The following RGCC variants were observed in gnomAD, a reference collection of about 807,000 sequenced individuals.
The protein encoded by RGCC is regulator of cell cycle, also known as regulator of cell cycle RGCC.
RGCC carries 15 observed loss-of-function variants against 15.4 expected under a neutral mutation model. The ratio of observed to expected loss-of-function variants is 0.97; its 90% CI spans 0.65 to 1.50. The LOEUF is 1.50. Among genes scored for constraint, RGCC ranks in the 40% most tolerant of loss-of-function variants. The probability of loss-of-function intolerance (pLI) is 0.00; values close to 1 mark genes in which losing one functional copy is unlikely to be tolerated. For synonymous variants in RGCC, 81 were observed against 78.0 expected (o/e 1.04, Z -0.20); for missense variants, 176 against 189.7 (o/e 0.93, Z 0.42).
At position 41,458,932 on chromosome 13, in the gene RGCC, A is replaced by C. The variant is rs1313855892; in HGVS notation, c.235+462A>C. ...ATAAGCCCAAACTGCTGTTCTTGGG[A>C]TTTATGAAATAACTGCTTGCATTGT... On this transcript the variant is annotated intron_variant, in intron 2 of 4. Transcript: ENST00000379359. This position sits in a 1 kb window ranked among gnomAD's most constrained non-coding sequence, Gnocchi z 4.4. Among the ~76,000 whole-genome samples, 1 of 152,174 alleles carries C rather than the reference A, an allele frequency of 6.6e-6. No individual in the cohort carries two copies. The highest frequency in any genetic ancestry group is 1.5e-5 in the Non-Finnish European group (1 of 68,022).
intron 2 of RGCC, among the ~76,000 whole-genome samples, chr13:41,462,293 C>T (rs1276516868): frequency 1.3e-5 from 2 of 152,146 alleles, no homozygotes; most frequent in African/African-American, 4.8e-5. Context: ...TCTCCCAACC[C>T]CCCTAGCTAA....
At chr13:41,468,240 G>A (rs888807448) in intron 3 of RGCC, among the ~76,000 whole-genome samples, 22 of 152,214 alleles carry the variant, frequency 1.4e-4, no homozygotes, top group Non-Finnish European at 2.1e-4. Flanking sequence ...GGGCTGCAGC[G>A]TTGCCCTGGG....
chr13:41,466,191 TCACACACACTCATACA>T (rs1566338382), intron 2 of RGCC, among the ~76,000 whole-genome samples: 1 of 44,712 alleles, frequency 2.2e-5, no homozygotes, highest in African/African-American at 4.7e-5. Context: ...ACACACACAC[TCACACACACTCATACA>T]CTCACACACT....
At chr13:41,467,252 C>A (rs761132972) in intron 3 of RGCC, among the ~76,000 whole-genome samples, 2 of 152,214 alleles carry the variant, frequency 1.3e-5, no homozygotes, top group Non-Finnish European at 2.9e-5. Context: ...AGTCTCCTCC[C>A]AGACTTGTTG....
Position 41,466,807 on chromosome 13 carries a change from T to C in RGCC, c.236-16T>C. 1 of 1,555,818 alleles carries C rather than the reference T, an allele frequency of 6.4e-7. No homozygotes were observed. Among genetic ancestry groups the C allele is most frequent in the Non-Finnish European group, 8.9e-7 (1 of 1,127,182 alleles). On this transcript the variant is annotated splice_polypyrimidine_tract_variant and intron_variant, in intron 2 of 4. Coordinates refer to ENST00000379359, the MANE Select transcript of RGCC (RefSeq NM_014059.3). ...ATGAGTACTATTTCTAATGAGTATATTTTCCTTCCTGAAAGGTGCAGATTC... is the reference window on the plus strand; with the variant it reads ...ATGAGTACTATTTCTAATGAGTATACTTTCCTTCCTGAAAGGTGCAGATTC...
intron 2 of RGCC, among the ~76,000 whole-genome samples, chr13:41,461,690 A>T (rs2043822016): frequency 6.6e-6 from 1 of 152,178 alleles, no homozygotes; most frequent in Admixed American, 6.5e-5. Flanking sequence ...GAAATGAGGA[A>T]CTGGCTTCTT....
chr13:41,458,285 C>T lies in RGCC; in HGVS notation c.50C>T (p.Ala17Val), dbSNP rs1277961004. ...ACTGAGCCCCTGGCCCTGCCCGCAGCCCCGGCCCTGGACTCGGCGGCCGCG... is the reference window on the plus strand; with the variant it reads ...ACTGAGCCCCTGGCCCTGCCCGCAGTCCCGGCCCTGGACTCGGCGGCCGCG... ...QGSPAAAAAA[A>V]PALDSAAAED... The change falls in exon 2 of 5, where the codon GCC becomes GTC. Residue 17 changes from alanine (A) to valine (V), a missense_variant and splice_region_variant. Coordinates refer to ENST00000379359, the MANE Select transcript of RGCC (RefSeq NM_014059.3). This position sits in a 1 kb window ranked among gnomAD's most constrained non-coding sequence, Gnocchi z 4.4. 10 of 1,568,506 alleles carry T rather than the reference C, an allele frequency of 6.4e-6. No individual in the cohort carries two copies. In the South Asian group the frequency reaches 8.1e-5, roughly 13 times the overall value.
At chr13:41,462,533 T>C (rs1357407928) in intron 2 of RGCC, among the ~76,000 whole-genome samples, 1 of 152,178 alleles carries the variant, frequency 6.6e-6, no homozygotes, top group Admixed American at 6.5e-5. Context: ...GAAGCCGATA[T>C]TGTAAGGCCC....
intron 2 of RGCC, among the ~76,000 whole-genome samples, chr13:41,463,339 G>A (rs939113340): frequency 2.0e-5 from 3 of 151,866 alleles, no homozygotes; most frequent in Admixed American, 6.6e-5. Context: ...GCTGGCGGTC[G>A]GCTTCTTCTT....
At position 41,457,815 on chromosome 13, in the gene RGCC, A is replaced by G; in HGVS notation, c.49+59A>G. 1.5e-6 allele frequency: 2 copies of G among 1,356,346 alleles called. No homozygotes were observed. Among genetic ancestry groups the G allele is most frequent in the South Asian group, 2.0e-5 (1 of 50,370 alleles). 84.0% of individuals were successfully genotyped at this position (1,356,346 alleles called of 1,614,324 possible). A position where few individuals can be genotyped will look rare whatever the true frequency, so the allele number is the denominator to read the frequency against. ...CGGCTCTGCAGATGGCGGGTGAGAA[A>G]GGAGGGGCCCCGTGTCGTCCCTTCA... On this transcript the variant is annotated intron_variant, in intron 1 of 4. Transcript: ENST00000379359. The surrounding 1 kb of genome is among the most constrained non-coding windows in gnomAD (Gnocchi z 4.9).
Position 41,457,937 on chromosome 13 carries a change from G to C in RGCC, c.49+181G>C, listed in dbSNP as rs1009183827. Among the ~76,000 whole-genome samples the C allele has an allele frequency of 1.3e-5, 2 of 151,760 alleles. No homozygotes were observed. Among genetic ancestry groups the C allele is most frequent in the African/African-American group, 2.4e-5 (1 of 41,346 alleles). ...CTTTCCGGCCCGGGCTGGCCCCCAT[G>C]TCCCACCTTCCCTCCACCACCAGCT... On this transcript the variant is annotated intron_variant, in intron 1 of 4. Transcript: ENST00000379359. This position sits in a 1 kb window ranked among gnomAD's most constrained non-coding sequence, Gnocchi z 4.9.
chr13:41,468,981 C>A (rs1037320589), intron 4 of RGCC, 143 bp downstream of exon 4: 1 of 623,844 alleles, frequency 1.6e-6, no homozygotes. Context: ...GGACCCTAGG[C>A]CGGGGCAGTG....
At position 41,458,254 on chromosome 13, in the gene RGCC, C is replaced by G. The variant is rs141989625; in HGVS notation, c.50-31C>G. ...GGTGGTCCCGCTGCCCCCCTGACTT[C>G]CGTGCACTGAGCCCCTGGCCCTGCC... On this transcript the variant is annotated intron_variant, in intron 1 of 4. Coordinates refer to ENST00000379359, the MANE Select transcript of RGCC (RefSeq NM_014059.3). This position sits in a 1 kb window ranked among gnomAD's most constrained non-coding sequence, Gnocchi z 4.4. 5 of 1,536,280 alleles carry G rather than the reference C, an allele frequency of 3.3e-6. No individual in the cohort carries two copies. The highest frequency in any genetic ancestry group is 2.6e-6 in the Non-Finnish European group (3 of 1,145,596).
At position 41,470,583 on chromosome 13, in the gene RGCC, C is replaced by A. The variant is rs556883708; in HGVS notation, c.*98C>A. ...TACTAGAATCTGCTGCCAGAGGGGA[C>A]AAAGACGTGCACTCAACCTTCTACC... is the stretch of plus-strand genomic sequence containing the variant. On this transcript the variant is annotated 3_prime_UTR_variant, in exon 5 of 5. Transcript: ENST00000379359. The A allele has an allele frequency of 3.3e-6, 4 of 1,198,250 alleles. No homozygotes were observed. The highest frequency in any genetic ancestry group is 1.2e-5 in the South Asian group (1 of 82,152). 74.2% of individuals were successfully genotyped at this position (1,198,250 alleles called of 1,614,324 possible). A position where few individuals can be genotyped will look rare whatever the true frequency, so the allele number is the denominator to read the frequency against.
chr13:41,470,409 G>T, intron 4 of RGCC, 69 bp from the exon 5 acceptor site: 1 of 1,486,052 alleles, frequency 6.7e-7, no homozygotes, highest in Non-Finnish European at 9.4e-7. Context: ...GTCTGAGACA[G>T]TGTGATGTGG....
At position 41,458,556 on chromosome 13, in the gene RGCC, T is replaced by C. The variant is rs1040401257; in HGVS notation, c.235+86T>C. On this transcript the variant is annotated intron_variant, in intron 2 of 4. Transcript: ENST00000379359. The surrounding 1 kb of genome is among the most constrained non-coding windows in gnomAD (Gnocchi z 4.4). ...GAAGGCTGCGGCCTCAGTTTTCTTA[T>C]CAGTAAACTGAGGAATGGTTTCCTG... The C allele has an allele frequency of 7.4e-7, 1 of 1,353,132 alleles. No homozygotes were observed. Among genetic ancestry groups the C allele is most frequent in the Admixed American group, 2.4e-5 (1 of 41,542 alleles). 83.8% of individuals were successfully genotyped at this position (1,353,132 alleles called of 1,614,324 possible).
chr13:41,458,611 G>A lies in RGCC; in HGVS notation c.235+141G>A, dbSNP rs2043806079. On this transcript the variant is annotated intron_variant, in intron 2 of 4. Coordinates refer to ENST00000379359, the MANE Select transcript of RGCC (RefSeq NM_014059.3). The surrounding 1 kb of genome is among the most constrained non-coding windows in gnomAD (Gnocchi z 4.4). ...TCAACGCAGTAGGCCGAGTGGTGGC[G>A]GGGCCCCTGACGATAATCACGGGAA... 2.0e-6 allele frequency: 2 copies of A among 996,218 alleles called. No individual in the cohort carries two copies. Among genetic ancestry groups the A allele is most frequent in the South Asian group, 3.4e-5 (2 of 58,564 alleles). The allele number at this position is 996,218 out of a possible 1,614,324, so 61.7% of individuals were successfully genotyped here.
At position 41,468,857 on chromosome 13, in the gene RGCC, T is replaced by C; in HGVS notation, c.406+19T>C. On this transcript the variant is annotated intron_variant, in intron 4 of 4. Transcript: ENST00000379359. ...TTAGCAAGTAAGTACATGTCTGATA[T>C]TAAAAACAAAAAAACAAAAAACTAA... 1.3e-6 allele frequency: 2 copies of C among 1,570,826 alleles called. No homozygotes were observed. Among genetic ancestry groups the C allele is most frequent in the South Asian group, 1.1e-5 (1 of 88,856 alleles).
chr13:41,468,737 ACTCT>A (rs150442518), intron 3 of RGCC, 35 bp from the exon 4 acceptor site: 888 of 1,296,846 alleles, frequency 6.8e-4, no homozygotes, highest in South Asian at 7.7e-4. Context: ...TGGAAACTGA[ACTCT>A]CTCTCTCTCT....
Sources: gnomAD v4.1 joint callset for allele counts (sites outside exome capture counted in the v4.1 genomes callset) on GRCh38, gnomAD v4.1.1 for gene constraint, Gnocchi (gnomAD v3.1) non-coding constraint, MANE v1.5 for transcripts, NCBI Gene and HGNC (gene_info 2026-07-23, HGNC 2026-07-21) for gene names.